TPGS1: variants seen among roughly 807,000 people sequenced by gnomAD.
TPGS1 encodes gene trap ROSA b-geo 22.
Under a neutral mutation model 11.9 loss-of-function variants are expected in TPGS1, and 18 were observed. The ratio of observed to expected loss-of-function variants is 1.51; its 90% confidence interval spans 1.04 to 2.24. The LOEUF (loss-of-function observed/expected upper bound fraction) is 2.24. Ranked by LOEUF, TPGS1 falls within the 30% of genes most tolerant of loss-of-function variation. The pLI is 0.00. For missense variants in TPGS1, 500 were observed against 443.0 expected (o/e 1.13, Z -1.16); for synonymous variants, 247 against 218.2 (o/e 1.13, Z -1.16).
intron 1 of TPGS1, among the ~76,000 whole-genome samples, chr19:512,503 T>G (rs1978826809): frequency 1.4e-5 from 2 of 141,418 alleles, no homozygotes; most frequent in South Asian, 5.2e-4. Flanking sequence ...GACACGCACC[T>G]GCAATCATGA....
chr19:511,957 C>T (rs781088365), intron 1 of TPGS1, among the ~76,000 whole-genome samples: 12 of 152,142 alleles, frequency 7.9e-5, no homozygotes, highest in Non-Finnish European at 1.6e-4. Flanking sequence ...CTACAAGTTC[C>T]GCCTCCTGGG....
intron 1 of TPGS1, among the ~76,000 whole-genome samples, chr19:516,147 A>G (rs1034333666): frequency 6.6e-6 from 1 of 151,956 alleles, no homozygotes; most frequent in Non-Finnish European, 1.5e-5. Flanking sequence ...TGCTGCAGGG[A>G]GGGAGACCAG....
intron 1 of TPGS1, 95 bp from the exon 2 acceptor site, chr19:518,794 T>C: frequency 8.5e-7 from 1 of 1,175,190 alleles, no homozygotes; most frequent in Non-Finnish European, 1.1e-6. Context: ...GGCTGGGGGG[T>C]CGGGGAGGCT....
At chr19:515,685 C>T (rs914129038) in intron 1 of TPGS1, among the ~76,000 whole-genome samples, 1 of 151,804 alleles carries the variant, frequency 6.6e-6, no homozygotes, top group African/African-American at 2.4e-5. Flanking sequence ...TTGCTGTGAG[C>T]TGAGATTGTG....
intron 1 of TPGS1, among the ~76,000 whole-genome samples, chr19:511,585 G>A (rs1978796892): frequency 6.6e-6 from 1 of 152,270 alleles, no homozygotes; most frequent in South Asian, 2.1e-4. Context: ...AAAGGAGAGT[G>A]CACACAGCTG....
chr19:508,182 C>T, intron 1 of TPGS1: 1 of 236,412 alleles, frequency 4.2e-6, no homozygotes, highest in Admixed American at 5.7e-5. Flanking sequence ...GCAGAGCCAG[C>T]CCCCGAGCCA....
At chr19:509,751 C>G (rs1032053571) in intron 1 of TPGS1, 1 of 152,456 alleles carries the variant, frequency 6.6e-6, no homozygotes, top group African/African-American at 2.4e-5. Flanking sequence ...CAAATAAGCT[C>G]TCAGTCTGAG....
At chr19:514,253 C>G (rs531808751) in intron 1 of TPGS1, among the ~76,000 whole-genome samples, 1 of 141,298 alleles carries the variant, frequency 7.1e-6, no homozygotes, top group African/African-American at 2.7e-5. Flanking sequence ...GAGTACCTAC[C>G]GTGTACTGGC....
intron 1 of TPGS1, among the ~76,000 whole-genome samples, chr19:515,628 C>T (rs1195862707): frequency 1.3e-5 from 2 of 149,484 alleles, no homozygotes; most frequent in Non-Finnish European, 3.0e-5. Flanking sequence ...ATCCCAGCAG[C>T]TCAGGAGGCT....
intron 1 of TPGS1, among the ~76,000 whole-genome samples, chr19:518,373 T>C (rs1425738107): frequency 7.8e-5 from 1 of 12,872 alleles, no homozygotes; most frequent in Non-Finnish European, 1.4e-4. Flanking sequence ...CCAGGTTGAG[T>C]AGGGGCTGGG....
chr19:518,740 GGAGGCCGGGGATGGGGGGTAGGAGGA>G (rs1307192256), intron 1 of TPGS1, 123 bp from the exon 2 acceptor site: 13 of 823,134 alleles, frequency 1.6e-5, no homozygotes, highest in Non-Finnish European at 2.3e-5. Flanking sequence ...GAGGAGGAGG[GGAGGCCGGGGATGGGGGGTAGGAGGA>G]GAGGGGAGGC....
At chr19:511,906 C>T (rs2145832027) in intron 1 of TPGS1, among the ~76,000 whole-genome samples, 1 of 152,094 alleles carries the variant, frequency 6.6e-6, no homozygotes, top group Non-Finnish European at 1.5e-5. Context: ...GAGTCTGGTT[C>T]TGTCACCCAG....
At chr19:513,958 A>G (rs768190923) in intron 1 of TPGS1, among the ~76,000 whole-genome samples, 4 of 142,812 alleles carry the variant, frequency 2.8e-5, no homozygotes, top group South Asian at 2.3e-4. Flanking sequence ...CTGCACACCA[A>G]CCTGCCCCGG....
chr19:519,271 C>G lies in TPGS1; in HGVS notation c.721C>G (p.Leu241Val). ...CGACGCCGCCGCGCCCGCGCGCTTCCTGGAGGCCGGCTCGCGCTTGGGGCC... is the reference window on the plus strand; with the variant it reads ...CGACGCCGCCGCGCCCGCGCGCTTCGTGGAGGCCGGCTCGCGCTTGGGGCC... ...ASDAAAPARF[L>V]EAGSRLGPDS... The change falls in exon 2 of 2, where the codon CTG becomes GTG. Residue 241 changes from leucine (L) to valine (V), a missense_variant. By Grantham distance (32) the Leu-to-Val change is conservative. Transcript: ENST00000359315. 1 of 1,197,166 alleles carries G rather than the reference C, an allele frequency of 8.4e-7. No homozygotes were observed. The highest frequency in any genetic ancestry group is 3.6e-5 in the East Asian group (1 of 27,460). 74.2% of individuals were successfully genotyped at this position (1,197,166 alleles called of 1,614,324 possible). A position where few individuals can be genotyped will look rare whatever the true frequency, so the allele number is the denominator to read the frequency against.
chr19:510,514 T>G (rs1978762843), intron 1 of TPGS1: 1 of 151,434 alleles, frequency 6.6e-6, no homozygotes, highest in African/African-American at 2.4e-5. Context: ...TCACCCCAGA[T>G]CCTCCCTGGC....
rs1316035049 is a variant in TPGS1, at chr19:519,237, G to A, written c.687G>A (p.Leu229=). The change falls in exon 2 of 2, where the codon CTG becomes CTA. Residue 229 remains leucine (L), a synonymous_variant. Transcript: ENST00000359315. The stretch of plus-strand genomic sequence containing the variant: ...TGCTGGACACCCTGGAGGGCGCGCT[G>A]CAGGCCAGCGACGCCGCCGCGCCCG... ...QAVLDTLEGA[L]QASDAAAPAR... is the part of the protein sequence containing the mutation. 7.0e-6 allele frequency: 9 copies of A among 1,286,878 alleles called. No individual in the cohort carries two copies. Among genetic ancestry groups the A allele is most frequent in the Non-Finnish European group, 8.8e-6 (9 of 1,020,390 alleles). The allele number at this position is 1,286,878 out of a possible 1,614,324, so 79.7% of individuals were successfully genotyped here. A position where few individuals can be genotyped will look rare whatever the true frequency, so the allele number is the denominator to read the frequency against.
Position 507,695 on chromosome 19 carries a change from G to A in TPGS1, c.189G>A (p.Pro63=). The A allele has an allele frequency of 7.2e-7, 1 of 1,388,742 alleles. No homozygotes were observed. Among genetic ancestry groups the A allele is most frequent in the Non-Finnish European group, 9.4e-7 (1 of 1,063,240 alleles). 86.0% of individuals were successfully genotyped at this position (1,388,742 alleles called of 1,614,324 possible). A position where few individuals can be genotyped will look rare whatever the true frequency, so the allele number is the denominator to read the frequency against. ...LKVLEARPEE[P]IAFLAHYFEN... is the part of the protein sequence containing the mutation. The stretch of plus-strand genomic sequence containing the variant: ...TGCTGGAGGCGCGGCCCGAGGAGCC[G>A]ATCGCCTTCCTGGCTCACTACTTCG... Residue 63 remains proline, a synonymous_variant, in exon 1 of 2, where the codon CCG becomes CCA. Coordinates refer to ENST00000359315, the MANE Select transcript of TPGS1 (RefSeq NM_033513.3).
chr19:514,955 G>T (rs1194976655), intron 1 of TPGS1, among the ~76,000 whole-genome samples: 1 of 152,182 alleles, frequency 6.6e-6, no homozygotes, highest in Non-Finnish European at 1.5e-5. Flanking sequence ...ACGTAGTAAG[G>T]CCTCAGGCTC....
At chr19:518,548 C>T (rs1156285561) in intron 1 of TPGS1, among the ~76,000 whole-genome samples, 2 of 58,752 alleles carry the variant, frequency 3.4e-5, no homozygotes, top group Non-Finnish European at 6.6e-5. Flanking sequence ...GGGAGGGAGG[C>T]CTGGGCTGGG....
Sources: allele counts gnomAD v4.1 joint callset (sites outside exome capture counted in the v4.1 genomes callset), GRCh38; gene constraint gnomAD v4.1.1; transcripts MANE v1.5; gene names NCBI Gene and HGNC (gene_info 2026-07-23, HGNC 2026-07-21).